Variants in MRPS5 observed in about 807,000 individuals in gnomAD.
MRPS5 encodes the protein small ribosomal subunit protein uS5m.
Under a neutral mutation model 51.9 loss-of-function variants are expected in MRPS5, and 27 were observed. The observed-to-expected ratio is 0.52, with a 90% CI of 0.38 to 0.72. The LOEUF is 0.72. MRPS5 is among the 30% of genes least tolerant of loss of function. The pLI, the probability that MRPS5 is intolerant of heterozygous loss-of-function variation, is 0.00. For missense variants in MRPS5, 570 were observed against 545.7 expected, an observed-to-expected ratio of 1.04 and a Z score of -0.44; for synonymous variants, 196 against 193.2, an observed-to-expected ratio of 1.01 and a Z score of -0.12.
chr2:95,111,128 T>C (rs527661632), intron 3 of MRPS5, among the ~76,000 whole-genome samples: 52 of 152,336 alleles, frequency 3.4e-4, no homozygotes, highest in African/African-American at 1.0e-3. Flanking sequence ...TCTTCGTAAG[T>C]GAGGCTCAGG....
intron 3 of MRPS5, among the ~76,000 whole-genome samples, chr2:95,114,001 T>C (rs1676205856): frequency 6.7e-6 from 1 of 149,988 alleles, no homozygotes; most frequent in African/African-American, 2.5e-5. Flanking sequence ...GCCCCTGTAG[T>C]CCCAGCTACT....
At chr2:95,101,904 A>G (rs1263099743) in intron 7 of MRPS5, 181 bp from the exon 8 acceptor site, 2 of 562,090 alleles carry the variant, frequency 3.6e-6, no homozygotes, top group East Asian at 6.1e-5. Flanking sequence ...CCGTAATCTC[A>G]GCACTTTAGG....
intron 10 of MRPS5, among the ~76,000 whole-genome samples, chr2:95,094,288 G>T (rs1184892595): frequency 6.6e-6 from 1 of 152,110 alleles, no homozygotes; most frequent in Non-Finnish European, 1.5e-5. Flanking sequence ...AGGGAGAATG[G>T]AACCAAGTTC....
At position 95,110,004 on chromosome 2, in the gene MRPS5, C is replaced by T; in HGVS notation, c.315G>A (p.Glu105=). The T allele has an allele frequency of 6.2e-7, 1 of 1,614,112 alleles. No individual in the cohort carries two copies. Among genetic ancestry groups the T allele is most frequent in the Non-Finnish European group, 8.5e-7 (1 of 1,180,008 alleles). Residue 105 remains glutamate (E), a synonymous_variant, in exon 4 of 12, where the codon GAG becomes GAA. Transcript: ENST00000272418. ...TTCCTTTTTTTGCTCCAGCACCAGT[C>T]TCTGCTAAAGCGCCTTTCCACAGCT... is the stretch of plus-strand genomic sequence containing the variant. The part of the protein sequence containing the change: ...ADELWKGALA[E]TGAGAKKGRG...
At chr2:95,098,087 C>T (rs1675680372) in intron 10 of MRPS5, among the ~76,000 whole-genome samples, 1 of 152,140 alleles carries the variant, frequency 6.6e-6, no homozygotes, top group Admixed American at 6.5e-5. Context: ...AGCCAACAGA[C>T]ACATGAAAAA....
intron 10 of MRPS5, among the ~76,000 whole-genome samples, chr2:95,097,793 G>A (rs2104402843): frequency 1.3e-5 from 2 of 152,274 alleles, no homozygotes; most frequent in East Asian, 1.9e-4. Context: ...CATGGGCAAG[G>A]ACTTCATGAC....
At chr2:95,100,442 T>C (rs766281882) in intron 10 of MRPS5, 32 bp downstream of exon 10, 1 of 1,497,580 alleles carries the variant, frequency 6.7e-7, no homozygotes, top group Non-Finnish European at 9.3e-7. Flanking sequence ...CTCTGCTTTA[T>C]CATCAACAAA....
chr2:95,121,909 T>A, upstream of MRPS5: 1 of 1,187,550 alleles, frequency 8.4e-7, no homozygotes, highest in Non-Finnish European at 1.1e-6. Context: ...GAGGCCCGAG[T>A]CCACGCAGCA....
At chr2:95,089,251 A>G (rs570611674) in intron 11 of MRPS5, among the ~76,000 whole-genome samples, 1 of 152,254 alleles carries the variant, frequency 6.6e-6, no homozygotes, top group Non-Finnish European at 1.5e-5. Context: ...CTTTTACCCA[A>G]AGCCTTCTTT....
chr2:95,099,156 G>A (rs1675721534), intron 10 of MRPS5, among the ~76,000 whole-genome samples: 1 of 151,054 alleles, frequency 6.6e-6, no homozygotes, highest in South Asian at 2.1e-4. Flanking sequence ...CGGACCTCGT[G>A]ATCCGACCAC....
intron 7 of MRPS5, among the ~76,000 whole-genome samples, chr2:95,102,123 G>C (rs1445657751): frequency 6.6e-6 from 1 of 151,248 alleles, no homozygotes; most frequent in Admixed American, 6.6e-5. Context: ...CTGTGCCACT[G>C]CACTCCAGAT....
intron 2 of MRPS5, 92 bp from the exon 3 acceptor site, chr2:95,115,295 G>A (rs944374066): frequency 1.7e-6 from 2 of 1,207,716 alleles, no homozygotes; most frequent in South Asian, 2.5e-5. Flanking sequence ...ACAAAAATAA[G>A]TCACTAAAAT....
At chr2:95,108,445 A>T in intron 4 of MRPS5, 37 bp from the exon 5 acceptor site, 1 of 1,536,296 alleles carries the variant, frequency 6.5e-7, no homozygotes, top group African/African-American at 1.4e-5. Context: ...ATTTTGTTAA[A>T]GTACTCATTT....
intron 3 of MRPS5, among the ~76,000 whole-genome samples, chr2:95,112,384 C>T (rs192797432): frequency 3.0e-4 from 46 of 152,070 alleles, no homozygotes; most frequent in South Asian, 6.3e-4. Flanking sequence ...TATATATATA[C>T]ACACACATAC....
chr2:95,092,211 A>C (rs1675487135), intron 10 of MRPS5: 1 of 152,242 alleles, frequency 6.6e-6, no homozygotes, highest in Non-Finnish European at 1.5e-5. Context: ...CTGTCAAAAA[A>C]CACTTGTTTA....
intron 3 of MRPS5, among the ~76,000 whole-genome samples, chr2:95,114,775 G>A (rs1386002790): frequency 2.6e-5 from 4 of 152,076 alleles, no homozygotes; most frequent in African/African-American, 9.7e-5. Context: ...GAAAACATGA[G>A]TATATTCTTG....
chr2:95,096,460 T>C (rs1675630544), intron 10 of MRPS5, among the ~76,000 whole-genome samples: 1 of 152,146 alleles, frequency 6.6e-6, no homozygotes, highest in African/African-American at 2.4e-5. Context: ...GCAAACCAAA[T>C]CCAGCAGCAC....
At chr2:95,105,263 G>A (rs1573339422) in intron 6 of MRPS5, among the ~76,000 whole-genome samples, 1 of 152,264 alleles carries the variant, frequency 6.6e-6, no homozygotes, top group Middle Eastern at 3.4e-3. Context: ...TAAAAGGCCA[G>A]GAACAGCCGG....
chr2:95,107,133 TGTATAC>T (rs1675973448), intron 5 of MRPS5, among the ~76,000 whole-genome samples: 1 of 152,240 alleles, frequency 6.6e-6, no homozygotes, highest in South Asian at 2.1e-4. Flanking sequence ...AGAAAGCTTA[TGTATAC>T]ATTAGTCAGC....
Sources: gnomAD v4.1 joint callset for allele counts (sites outside exome capture counted in the v4.1 genomes callset) on GRCh38, gnomAD v4.1.1 for gene constraint, MANE v1.5 for transcripts, NCBI Gene and HGNC (gene_info 2026-07-23, HGNC 2026-07-21) for gene names.